Variants in TNS3 observed in about 807,000 individuals in gnomAD.
TNS3 encodes the protein tensin 3.
In TNS3, 45 loss-of-function variants were observed where a neutral mutation model predicts 140.9. The ratio of observed to expected loss-of-function variants is 0.32; its 90% CI spans 0.25 to 0.41. The LOEUF is 0.41. TNS3 is among the 10% of genes least tolerant of loss of function. The pLI is 1.00. For synonymous variants in TNS3, 815 were observed against 788.4 expected (o/e 1.03, Z -0.56); for missense variants, 1,716 against 1,906.7 (o/e 0.90, Z 1.86).
At chr7:47,288,912 C>T (rs1054289974) in intron 27 of TNS3, among the ~76,000 whole-genome samples, 2 of 152,218 alleles carry the variant, frequency 1.3e-5, no homozygotes, top group African/African-American at 4.8e-5. Flanking sequence ...TCCTGAGTAG[C>T]AGAACATGGC....
chr7:47,533,063 CTAAG>C (rs1312297714), intron 1 of TNS3, among the ~76,000 whole-genome samples: 34 of 136,716 alleles, frequency 2.5e-4, no homozygotes, highest in Non-Finnish European at 1.2e-4. Context: ...TGTAAATAGT[CTAAG>C]TATCTCAATT....
chr7:47,541,948 C>CAAA (rs11314197), intron 1 of TNS3, among the ~76,000 whole-genome samples: 5 of 130,970 alleles, frequency 3.8e-5, no homozygotes, highest in African/African-American at 1.4e-4. Context: ...GACTCCATCT[C>CAAA]AAAAAAAAAA....
intron 2 of TNS3, among the ~76,000 whole-genome samples, chr7:47,522,024 A>C (rs1464687259): frequency 6.6e-6 from 1 of 152,138 alleles, no homozygotes; most frequent in East Asian, 1.9e-4. Context: ...TCCAGGAAGA[A>C]GGCCAGCAAG....
At chr7:47,313,448 A>G (rs557935690) in intron 20 of TNS3, among the ~76,000 whole-genome samples, 24 of 152,346 alleles carry the variant, frequency 1.6e-4, no homozygotes, top group Middle Eastern at 3.4e-3. Context: ...CTAGGGTCTC[A>G]TGCCAAGAAG....
rs550759475 is a variant in TNS3 at position 47,472,554 on chromosome 7, G to C, written c.-76+8549C>G. On this transcript the variant is annotated intron_variant, in intron 4 of 30. Coordinates refer to ENST00000311160, the MANE Select transcript of TNS3 (RefSeq NM_022748.12). ...GCACAGAAAACTGAGAGCAGTCCAG[G>C]ACTGTGGCCCTAAACTTGCTCCCTG... Among the ~76,000 whole-genome samples the C allele has an allele frequency of 2.0e-5, 3 of 152,188 alleles. No homozygotes were observed. In the East Asian group the frequency reaches 5.8e-4, roughly 29 times the overall value.
intron 1 of TNS3, among the ~76,000 whole-genome samples, chr7:47,567,448 G>C (rs976651114): frequency 6.6e-6 from 1 of 152,124 alleles, no homozygotes; most frequent in Non-Finnish European, 1.5e-5. Flanking sequence ...ATTTTGGAAG[G>C]CCGAGGCAGA....
intron 17 of TNS3, among the ~76,000 whole-genome samples, chr7:47,348,957 A>T (rs1789506652): frequency 6.6e-6 from 1 of 152,210 alleles, no homozygotes; most frequent in Non-Finnish European, 1.5e-5. Context: ...TAACCTTTCA[A>T]CTTGGAAGTT....
rs2151150009 is a variant in TNS3, at chr7:47,369,195, T to G, written c.1451A>C (p.His484Pro). ...GCTGTCCACACTGTGCAGGTCGTGG[T>G]GGGGCATCTCGTCATCCAGAATGTC... Reference protein sequence around the residue: ...ETDILDDEMPHHDLHSVDSLG... With the variant: ...ETDILDDEMPPHDLHSVDSLG... The change falls in exon 17 of 31, where the codon CAC (histidine) becomes CCC (proline). Residue 484 changes from histidine (H) to proline (P), a missense_variant. Physicochemically the swap from His to Pro is moderately conservative, Grantham distance 77 (BLOSUM62 -2). Transcript: ENST00000311160. The G allele has an allele frequency of 1.2e-6, 2 of 1,614,136 alleles. No individual in the cohort carries two copies. The highest frequency in any genetic ancestry group is 3.3e-5 in the Admixed American group (2 of 60,018).
At chr7:47,447,595 A>T (rs1350361732) in intron 4 of TNS3, among the ~76,000 whole-genome samples, 1 of 152,164 alleles carries the variant, frequency 6.6e-6, no homozygotes, top group African/African-American at 2.4e-5. Context: ...CGCATGGCAC[A>T]CTAGGGCAAA....
rs377324630 is a variant in TNS3 at position 47,483,755 on chromosome 7, A to C, written c.-114-2614T>G. Among the ~76,000 whole-genome samples, 15 of 152,312 alleles carry C rather than the reference A, an allele frequency of 9.8e-5. No homozygotes were observed. In the East Asian group the frequency reaches 2.9e-3, roughly 29 times the overall value. On this transcript the variant is annotated intron_variant, in intron 3 of 30. Transcript: ENST00000311160. ...ACAGAAAAGGAGAGGTGAGCTCTGT[A>C]AGCCGGGACTGCCCGAGTCCCATCT...
intron 2 of TNS3, among the ~76,000 whole-genome samples, chr7:47,528,496 G>C (rs1799280367): frequency 6.6e-6 from 1 of 151,966 alleles, no homozygotes; most frequent in African/African-American, 2.4e-5. Context: ...AGCAGCCCCT[G>C]CCCCCCACCA....
intron 13 of TNS3, among the ~76,000 whole-genome samples, chr7:47,402,627 C>A (rs1175244251): frequency 1.3e-5 from 2 of 152,162 alleles, no homozygotes; most frequent in Admixed American, 6.5e-5. Context: ...CAACCTGGGG[C>A]ATATTGTAGA....
intron 17 of TNS3, among the ~76,000 whole-genome samples, chr7:47,350,829 T>C (rs554196442): frequency 3.3e-5 from 5 of 152,368 alleles, no homozygotes; most frequent in African/African-American, 9.6e-5. Flanking sequence ...CAAAATGGGC[T>C]GTTCATGTTG....
At chr7:47,441,130 A>C (rs567263462) in intron 5 of TNS3, among the ~76,000 whole-genome samples, 5 of 152,302 alleles carry the variant, frequency 3.3e-5, no homozygotes, top group African/African-American at 1.2e-4. Flanking sequence ...ACACCTCAAA[A>C]AGAAATAATA....
At chr7:47,389,145 A>AGC (rs1792346440) in intron 16 of TNS3, among the ~76,000 whole-genome samples, 1 of 86,668 alleles carries the variant, frequency 1.2e-5, no homozygotes, top group Non-Finnish European at 2.6e-5. Context: ...GAAGAAGAAG[A>AGC]AGAAGAAGAA....
intron 10 of TNS3, among the ~76,000 whole-genome samples, chr7:47,421,386 G>A (rs1203364189): frequency 6.6e-6 from 1 of 151,844 alleles, no homozygotes; most frequent in Non-Finnish European, 1.5e-5. Flanking sequence ...TCCCACCTCA[G>A]CTTCCAGAGT....
chr7:47,427,166 CT>C (rs1180451885), intron 9 of TNS3, among the ~76,000 whole-genome samples: 1 of 149,652 alleles, frequency 6.7e-6, no homozygotes, highest in Non-Finnish European at 1.5e-5. Context: ...CAGGTGGTCT[CT>C]GTCCAGAACC....
At chr7:47,360,345 C>A (rs1790243590) in intron 17 of TNS3, among the ~76,000 whole-genome samples, 1 of 152,156 alleles carries the variant, frequency 6.6e-6, no homozygotes, top group Admixed American at 6.5e-5. Context: ...GTTCTCAAGG[C>A]ACATAAATAT....
chr7:47,397,161 A>G (rs1402042716), intron 15 of TNS3, among the ~76,000 whole-genome samples: 1 of 152,172 alleles, frequency 6.6e-6, no homozygotes, highest in Non-Finnish European at 1.5e-5. Flanking sequence ...CCAGGCTTGG[A>G]CACTTCTGCA....
Sources: gnomAD v4.1 joint callset for allele counts (sites outside exome capture counted in the v4.1 genomes callset) on GRCh38, gnomAD v4.1.1 for gene constraint, MANE v1.5 for transcripts, NCBI Gene and HGNC (gene_info 2026-07-23, HGNC 2026-07-21) for gene names.